The following SCAI variants were observed in gnomAD, a reference collection of about 807,000 sequenced individuals.
SCAI encodes the protein suppressor of cancer cell invasion, also known as protein SCAI.
In SCAI, 24 loss-of-function variants were observed where a neutral mutation model predicts 92.2. The ratio of observed to expected loss-of-function variants is 0.26; its 90% confidence interval spans 0.19 to 0.37. The LOEUF (loss-of-function observed/expected upper bound fraction) is 0.37. SCAI is among the 10% of genes least tolerant of loss of function. The pLI is 1.00. For missense variants in SCAI, 450 were observed against 736.2 expected (o/e 0.61, Z 4.50); for synonymous variants, 261 against 258.6 (o/e 1.01, Z -0.09).
rs559924651 is a variant in SCAI, at chr9:125,080,390, T to C, written c.99-24383A>G. Among the ~76,000 whole-genome samples, 3 of 152,324 alleles carry C rather than the reference T, an allele frequency of 2.0e-5. No individual in the cohort carries two copies. In the East Asian group the frequency reaches 5.8e-4, roughly 29 times the overall value. On this transcript the variant is annotated intron_variant, in intron 2 of 17. Transcript: ENST00000336505. ...AATAGGGTTGTCTGATCCCGAGTTA[T>C]CCCAGTATTTCAAATCCCATAGATC...
intron 14 of SCAI, among the ~76,000 whole-genome samples, chr9:124,984,250 CAG>C (rs967962297): frequency 3.3e-5 from 5 of 151,994 alleles, no homozygotes; most frequent in Non-Finnish European, 5.9e-5. Flanking sequence ...ACTGAGCAAT[CAG>C]GGGCCAGGGA....
intron 2 of SCAI, among the ~76,000 whole-genome samples, chr9:125,076,979 G>A (rs940113868): frequency 6.6e-6 from 1 of 152,160 alleles, no homozygotes; most frequent in Admixed American, 6.5e-5. Context: ...TGGGATTACA[G>A]GCGTGAGCCA....
At chr9:125,041,650 A>T (rs1392426539) in intron 3 of SCAI, among the ~76,000 whole-genome samples, 1 of 152,174 alleles carries the variant, frequency 6.6e-6, no homozygotes, top group Admixed American at 6.6e-5. Context: ...CGCAGGCTAA[A>T]AGTACATAAA....
At position 124,988,089 on chromosome 9, in the gene SCAI, G is replaced by A. The variant is rs140208314; in HGVS notation, c.1326+6845C>T. On this transcript the variant is annotated intron_variant, in intron 14 of 17. Coordinates refer to ENST00000336505, the MANE Select transcript of SCAI (RefSeq NM_001144877.3). ...CACACATGCACACACATACACACAC[G>A]CTTCAGGGAAAACATGGCATCATGC... 1.6e-3 allele frequency among the ~76,000 whole-genome samples: 249 copies of A among 151,566 alleles called. 1 individual carries two copies. Among genetic ancestry groups the A allele is most frequent in the African/African-American group, 5.8e-3 (241 of 41,296 alleles).
intron 3 of SCAI, among the ~76,000 whole-genome samples, chr9:125,030,730 G>A (rs1180782697): frequency 1.3e-5 from 2 of 152,104 alleles, no homozygotes; most frequent in African/African-American, 4.8e-5. Flanking sequence ...CAGATAATAC[G>A]ATTAATGAAC....
At chr9:125,142,928 C>G (rs1032242140) in intron 1 of SCAI, among the ~76,000 whole-genome samples, 6 of 152,074 alleles carry the variant, frequency 3.9e-5, no homozygotes, top group Non-Finnish European at 8.8e-5. Flanking sequence ...ATCCTCGACC[C>G]CTGCTCGTCA....
Position 124,948,540 on chromosome 9 carries a change from G to A in SCAI, c.*4267C>T, listed in dbSNP as rs950779610. 6.6e-6 allele frequency: 1 copy of A among 152,154 alleles called. No individual in the cohort carries two copies. The highest frequency in any genetic ancestry group is 2.4e-5 in the African/African-American group (1 of 41,420). 9.4% of individuals were successfully genotyped at this position (152,154 alleles called of 1,614,324 possible). On this transcript the variant is annotated 3_prime_UTR_variant, in exon 18 of 18. Transcript: ENST00000336505. The stretch of plus-strand genomic sequence containing the variant: ...GCAGTCTGAGCTACTGAGAAGACTG[G>A]GCTGAGATGAGGAGATCTGAGTTTT...
At chr9:125,017,722 C>G (rs1832789405) in intron 9 of SCAI, among the ~76,000 whole-genome samples, 1 of 152,056 alleles carries the variant, frequency 6.6e-6, no homozygotes, top group Non-Finnish European at 1.5e-5. Context: ...CCAAAAACAA[C>G]TCCTGGCCAA....
chr9:125,082,592 C>T (rs886093351), intron 2 of SCAI, among the ~76,000 whole-genome samples: 4 of 152,212 alleles, frequency 2.6e-5, no homozygotes, highest in African/African-American at 9.7e-5. Flanking sequence ...ATGAAAGCAG[C>T]CGGGAGGGAC....
intron 13 of SCAI, among the ~76,000 whole-genome samples, chr9:124,996,611 C>G (rs1304904271): frequency 1.3e-5 from 2 of 151,210 alleles, no homozygotes; most frequent in African/African-American, 4.9e-5. Flanking sequence ...TCCAACAATA[C>G]AGTATTTTCA....
At chr9:124,957,529 AT>A (rs34588772) in intron 17 of SCAI, among the ~76,000 whole-genome samples, 59 of 138,418 alleles carry the variant, frequency 4.3e-4, no homozygotes, top group Non-Finnish European at 4.6e-4. Flanking sequence ...CACCCGGCTA[AT>A]TTTTTTTTTT....
chr9:124,957,981 C>T (rs1316417045), intron 17 of SCAI, among the ~76,000 whole-genome samples: 1 of 152,076 alleles, frequency 6.6e-6, no homozygotes, highest in Non-Finnish European at 1.5e-5. Flanking sequence ...CCATGTCCAG[C>T]CAAATAATTC....
In SCAI at chr9:125,102,633, T is replaced by C. The variant is rs568584635; in HGVS notation, c.98+40000A>G. Among the ~76,000 whole-genome samples, 13 of 152,114 alleles carry C rather than the reference T, an allele frequency of 8.5e-5. No homozygotes were observed. In the East Asian group the frequency reaches 2.3e-3, roughly 27 times the overall value. On this transcript the variant is annotated intron_variant, in intron 2 of 17. Coordinates refer to ENST00000336505, the MANE Select transcript of SCAI (RefSeq NM_001144877.3). Reference sequence around the variant, plus strand: ...TTTTTTTTGAGATGGAGTGTCACTCTGTCGCCCAGGCTGGAGTGCAGTGGC... The same window carrying C: ...TTTTTTTTGAGATGGAGTGTCACTCCGTCGCCCAGGCTGGAGTGCAGTGGC...
chr9:125,123,299 G>A (rs1325443039), intron 2 of SCAI, among the ~76,000 whole-genome samples: 1 of 150,120 alleles, frequency 6.7e-6, no homozygotes, highest in Non-Finnish European at 1.5e-5. Flanking sequence ...GGAGATGGAG[G>A]TTGCAGTGGG....
At chr9:125,039,206 G>A (rs940073221) in intron 3 of SCAI, among the ~76,000 whole-genome samples, 2 of 152,036 alleles carry the variant, frequency 1.3e-5, no homozygotes, top group Admixed American at 6.6e-5. Flanking sequence ...CCAACATGGT[G>A]AAACTCCATC....
At chr9:125,011,697 C>T (rs534762862) in intron 9 of SCAI, among the ~76,000 whole-genome samples, 94 of 152,254 alleles carry the variant, frequency 6.2e-4, no homozygotes, top group African/African-American at 2.1e-3. Context: ...CAAAGATATT[C>T]CTCGAGAAGA....
intron 6 of SCAI, among the ~76,000 whole-genome samples, chr9:125,024,671 A>G (rs1488644485): frequency 2.0e-5 from 3 of 152,078 alleles, no homozygotes; most frequent in African/African-American, 7.2e-5. Context: ...CTCTTTAACT[A>G]TACATTTGCC....
At chr9:125,088,539 G>A (rs1834366804) in intron 2 of SCAI, among the ~76,000 whole-genome samples, 1 of 152,076 alleles carries the variant, frequency 6.6e-6, no homozygotes, top group African/African-American at 2.4e-5. Context: ...TCCTGTACAG[G>A]CTATAGTACT....
At position 124,965,422 on chromosome 9, in the gene SCAI, C is replaced by T. The variant is rs535610353; in HGVS notation, c.1674+5948G>A. Among the ~76,000 whole-genome samples the T allele has an allele frequency of 5.0e-4, 76 of 152,066 alleles. No homozygotes were observed. The East Asian group carries it at 0.01, about 21-fold the overall frequency. The stretch of plus-strand genomic sequence containing the variant: ...CTAATTTTTATATTTTTAGTAGAGA[C>T]GAGGGTTTCACCATATTGGTCAGGC... On this transcript the variant is annotated intron_variant, in intron 17 of 17. Transcript: ENST00000336505.
Sources: allele counts gnomAD v4.1 joint callset (sites outside exome capture counted in the v4.1 genomes callset), GRCh38; gene constraint gnomAD v4.1.1; transcripts MANE v1.5; gene names NCBI Gene and HGNC (gene_info 2026-07-23, HGNC 2026-07-21).